Variants in LUZP2 observed in about 807,000 individuals in gnomAD.
LUZP2 encodes the protein leucine zipper protein 2.
Under a neutral mutation model 51.6 loss-of-function variants are expected in LUZP2, and 52 were observed. The observed-to-expected ratio is 1.01, with a 90% CI of 0.81 to 1.27. The LOEUF (loss-of-function observed/expected upper bound fraction) is 1.27, where lower values mean the gene tolerates loss of function less well. Ranked by LOEUF, LUZP2 falls within the 50% of genes most tolerant of loss-of-function variation. The pLI is 0.00. For synonymous variants in LUZP2, 154 were observed against 137.3 expected, an observed-to-expected ratio of 1.12 and a Z score of -0.85; for missense variants, 436 against 395.4, an observed-to-expected ratio of 1.10 and a Z score of -0.87.
intron 5 of LUZP2, among the ~76,000 whole-genome samples, chr11:24,876,238 A>G (rs11028242): frequency 0.46 from 61,593 of 135,202 alleles, 14,235 homozygotes; most frequent in East Asian, 0.65. Flanking sequence ...TAGGTCTAAC[A>G]TTTAAGTCTT....
chr11:24,695,149 T>C (rs1354376705), intron 1 of LUZP2, among the ~76,000 whole-genome samples: 2 of 152,078 alleles, frequency 1.3e-5, no homozygotes, highest in East Asian at 1.9e-4. Context: ...AAAAAATATA[T>C]GGATACATTT....
chr11:24,817,826 C>A (rs189138439), intron 5 of LUZP2, among the ~76,000 whole-genome samples: 33 of 151,946 alleles, frequency 2.2e-4, no homozygotes, highest in African/African-American at 7.5e-4. Context: ...ATTTCTTGTA[C>A]CAGTTATTTT....
At chr11:24,701,341 T>A (rs1418775683) in intron 1 of LUZP2, 1 of 167,310 alleles carries the variant, frequency 6.0e-6, no homozygotes, top group Non-Finnish European at 1.5e-5. Context: ...GAGATCTTCA[T>A]GATTGTCAGC....
At chr11:24,662,697 T>A (rs940304547) in intron 1 of LUZP2, among the ~76,000 whole-genome samples, 6 of 152,042 alleles carry the variant, frequency 3.9e-5, no homozygotes, top group Non-Finnish European at 8.8e-5. Flanking sequence ...GACACATTTG[T>A]AGATAACAGG....
At chr11:24,906,388 G>A (rs533465579) in intron 6 of LUZP2, among the ~76,000 whole-genome samples, 3 of 144,500 alleles carry the variant, frequency 2.1e-5, no homozygotes, top group African/African-American at 7.7e-5. Context: ...CCCCTCTCTT[G>A]TACTTTCTAT....
intron 1 of LUZP2, among the ~76,000 whole-genome samples, chr11:24,710,493 T>C (rs1201355172): frequency 6.6e-6 from 1 of 152,126 alleles, no homozygotes; most frequent in African/African-American, 2.4e-5. Context: ...ATGAAGTTAA[T>C]AAAAAAACTA....
rs146022179 is a variant in LUZP2 at position 24,946,872 on chromosome 11, G to C, written c.523-29719G>C. On this transcript the variant is annotated intron_variant, in intron 7 of 11. Transcript: ENST00000336930. ...TGTGCTATTATTGTCAAATACATTA[G>C]ATTTCTATATATTACAGTTACATAT... Among the ~76,000 whole-genome samples the C allele has an allele frequency of 6.6e-3, 996 of 151,886 alleles. 5 individuals carry two copies. The highest frequency in any genetic ancestry group is 0.019 in the African/African-American group (770 of 41,458).
intron 1 of LUZP2, among the ~76,000 whole-genome samples, chr11:24,711,487 A>G (rs1356532884): frequency 7.1e-6 from 1 of 140,170 alleles, no homozygotes; most frequent in African/African-American, 2.5e-5. Flanking sequence ...ATAAATAAAT[A>G]AATAAAGATT....
chr11:25,043,770 A>G (rs1022662877), intron 9 of LUZP2, among the ~76,000 whole-genome samples: 1 of 147,994 alleles, frequency 6.8e-6, no homozygotes, highest in Non-Finnish European at 1.5e-5. Context: ...GTATATATAT[A>G]ATATATATAG....
At chr11:24,658,407 C>T (rs970157821) in intron 1 of LUZP2, among the ~76,000 whole-genome samples, 3 of 152,224 alleles carry the variant, frequency 2.0e-5, no homozygotes, top group African/African-American at 7.2e-5. Context: ...TTCCTAACAC[C>T]TTATAGAAAA....
intron 5 of LUZP2, among the ~76,000 whole-genome samples, chr11:24,899,791 AT>A (rs1258487886): frequency 1.3e-5 from 2 of 152,164 alleles, no homozygotes; most frequent in African/African-American, 4.8e-5. Context: ...AGAGCTTCAA[AT>A]TTCATGAAGC....
At chr11:25,069,289 C>T (rs2134052505) in intron 10 of LUZP2, among the ~76,000 whole-genome samples, 1 of 151,936 alleles carries the variant, frequency 6.6e-6, no homozygotes, top group Non-Finnish European at 1.5e-5. Flanking sequence ...AACTTTATGA[C>T]CTTGAGGATG....
At chr11:24,763,677 T>G (rs1860070838) in intron 5 of LUZP2, among the ~76,000 whole-genome samples, 1 of 152,124 alleles carries the variant, frequency 6.6e-6, no homozygotes, top group Non-Finnish European at 1.5e-5. Flanking sequence ...AGGGCCAATC[T>G]AGAATGAAAA....
chr11:24,993,290 T>A (rs1384296090), intron 9 of LUZP2, among the ~76,000 whole-genome samples: 1 of 152,120 alleles, frequency 6.6e-6, no homozygotes, highest in Admixed American at 6.6e-5. Flanking sequence ...TTTTCAATTA[T>A]AAGGAAATTA....
chr11:24,758,546 A>T (rs1245125540), intron 4 of LUZP2, among the ~76,000 whole-genome samples: 1 of 152,068 alleles, frequency 6.6e-6, no homozygotes, highest in African/African-American at 2.4e-5. Context: ...CATATTTATA[A>T]CTTTTTTATT....
chr11:25,031,033 G>C (rs1414126246), intron 9 of LUZP2, among the ~76,000 whole-genome samples: 2 of 59,414 alleles, frequency 3.4e-5, no homozygotes, highest in Non-Finnish European at 6.5e-5. Flanking sequence ...TTTTTTTTGA[G>C]ACAGAGTCTC....
chr11:25,047,687 G>C (rs1300898634), intron 9 of LUZP2, among the ~76,000 whole-genome samples: 2 of 152,004 alleles, frequency 1.3e-5, no homozygotes, highest in Non-Finnish European at 2.9e-5. Flanking sequence ...CATATACCTG[G>C]TCATTTTAAT....
chr11:25,016,065 C>T (rs199882410), intron 9 of LUZP2, among the ~76,000 whole-genome samples: 151 of 151,786 alleles, frequency 9.9e-4, no homozygotes, highest in East Asian at 9.4e-3. Context: ...GGACTACAGG[C>T]GCTCGCCACC....
intron 1 of LUZP2, among the ~76,000 whole-genome samples, chr11:24,720,037 T>C (rs1188248563): frequency 6.6e-6 from 1 of 152,138 alleles, no homozygotes; most frequent in African/African-American, 2.4e-5. Context: ...TAAATGATAA[T>C]AAAATAGACA....
Sources: gnomAD v4.1 joint callset for allele counts (sites outside exome capture counted in the v4.1 genomes callset) on GRCh38, gnomAD v4.1.1 for gene constraint, MANE v1.5 for transcripts, NCBI Gene and HGNC (gene_info 2026-07-23, HGNC 2026-07-21) for gene names.